Variants in OSBPL2 observed in about 807,000 individuals in gnomAD.
OSBPL2 encodes the protein oxysterol-binding protein-related protein 2.
OSBPL2 carries 18 observed loss-of-function variants against 58.4 expected under a neutral mutation model. The ratio of observed to expected loss-of-function variants is 0.31; its 90% CI spans 0.21 to 0.46. The LOEUF is 0.46. Among genes scored for constraint, OSBPL2 ranks in the 20% least tolerant of loss-of-function variants. The pLI, the probability that OSBPL2 is intolerant of heterozygous loss-of-function variation, is 1.00. For synonymous variants in OSBPL2, 221 were observed against 234.1 expected (o/e 0.94, Z 0.51); for missense variants, 461 against 616.5 (o/e 0.75, Z 2.67).
At chr20:62,258,898 A>AT (rs1981111007) in intron 2 of OSBPL2, 1 of 152,202 alleles carries the variant, frequency 6.6e-6, no homozygotes, top group African/African-American at 2.4e-5. Flanking sequence ...ACTGTGGGCC[A>AT]TTTCAGGATT....
intron 11 of OSBPL2, among the ~76,000 whole-genome samples, chr20:62,287,060 A>G (rs1983182356): frequency 1.3e-5 from 2 of 152,246 alleles, no homozygotes; most frequent in Non-Finnish European, 2.9e-5. Flanking sequence ...AGACGTGGCC[A>G]TTGCCGGCCA....
At chr20:62,279,028 G>A (rs908042484) in intron 6 of OSBPL2, 129 bp from the exon 7 acceptor site, 20 of 724,450 alleles carry the variant, frequency 2.8e-5, no homozygotes, top group Non-Finnish European at 4.3e-5. Flanking sequence ...GGGTGTTTCC[G>A]CCACATGTTG....
chr20:62,272,354 G>T, intron 5 of OSBPL2, 95 bp downstream of exon 5: 2 of 1,351,030 alleles, frequency 1.5e-6, no homozygotes, highest in Non-Finnish European at 2.0e-6. Context: ...CATCTGTGAG[G>T]ACTCGCACAG....
intron 12 of OSBPL2, 159 bp from the exon 13 acceptor site, chr20:62,291,544 G>A (rs921640327): frequency 7.0e-6 from 5 of 709,236 alleles, no homozygotes; most frequent in South Asian, 1.5e-5. Flanking sequence ...CTGTGGCCTC[G>A]GCAACTGTGA....
chr20:62,257,550 G>A (rs1350491048), intron 2 of OSBPL2, among the ~76,000 whole-genome samples: 5 of 152,096 alleles, frequency 3.3e-5, no homozygotes, highest in South Asian at 2.1e-4. Context: ...CCCACACAGC[G>A]GAGGGATTGT....
chr20:62,285,735 C>T (rs1253237771), intron 10 of OSBPL2: 1 of 152,930 alleles, frequency 6.5e-6, no homozygotes, highest in African/African-American at 2.4e-5. Flanking sequence ...CACTCAGACT[C>T]CATGAAGTGC....
intron 3 of OSBPL2, among the ~76,000 whole-genome samples, chr20:62,261,717 T>TG: frequency 6.6e-6 from 1 of 152,374 alleles, no homozygotes; most frequent in South Asian, 2.1e-4. Flanking sequence ...GAGTGGCCTC[T>TG]GCATCCCTGC....
At chr20:62,241,605 C>T (rs1250789109) in intron 1 of OSBPL2, among the ~76,000 whole-genome samples, 3 of 152,250 alleles carry the variant, frequency 2.0e-5, no homozygotes, top group African/African-American at 7.2e-5. Context: ...AGCATCTTTG[C>T]GAAGGTGGTG....
chr20:62,263,812 TCTC>T (rs1981480434), intron 4 of OSBPL2, 121 bp downstream of exon 4: 1 of 833,778 alleles, frequency 1.2e-6, no homozygotes, highest in African/African-American at 1.7e-5. Flanking sequence ...ACGCCTATAA[TCTC>T]AGCACTTTGG....
chr20:62,289,229 C>G lies in OSBPL2; in HGVS notation c.1148C>G (p.Thr383Ser). The G allele has an allele frequency of 6.2e-7, 1 of 1,613,814 alleles. No individual in the cohort carries two copies. The highest frequency in any genetic ancestry group is 8.5e-7 in the Non-Finnish European group (1 of 1,179,856). ...CAGATGTATAATTTCACCAGTTTCA[C>G]TGTGAGCCTCAACGAGCTGGAGACA... ...SAQMYNFTSF[T>S]VSLNELETGM... The change falls in exon 12 of 14, where the codon ACT becomes AGT. Residue 383 changes from threonine (T) to serine (S), a missense_variant. Thr to Ser is a moderately conservative substitution (Grantham distance 58). Coordinates refer to ENST00000313733, the MANE Select transcript of OSBPL2 (RefSeq NM_144498.4).
intron 5 of OSBPL2, 127 bp downstream of exon 5, chr20:62,272,386 A>G (rs909179890): frequency 9.7e-7 from 1 of 1,027,926 alleles, no homozygotes; most frequent in Non-Finnish European, 1.4e-6. Context: ...GTTCAGTGCC[A>G]TCCTGCCTGG....
At chr20:62,250,098 G>A (rs1371989238) in intron 1 of OSBPL2, among the ~76,000 whole-genome samples, 1 of 152,256 alleles carries the variant, frequency 6.6e-6, no homozygotes, top group Non-Finnish European at 1.5e-5. Flanking sequence ...GAGCACCTTC[G>A]TGACCGGCTT....
At chr20:62,273,255 C>G (rs1982181557) in intron 5 of OSBPL2, 54 bp from the exon 6 acceptor site, 1 of 1,419,706 alleles carries the variant, frequency 7.0e-7, no homozygotes, top group Admixed American at 1.9e-5. Flanking sequence ...GCCATCTTCT[C>G]CAGCGCGTTT....
chr20:62,251,784 T>A (rs1317285490), intron 1 of OSBPL2, among the ~76,000 whole-genome samples: 1 of 151,152 alleles, frequency 6.6e-6, no homozygotes, highest in Non-Finnish European at 1.5e-5. Context: ...CACTGTCTTA[T>A]AAATGTCTCC....
chr20:62,266,157 G>A (rs944542526), intron 4 of OSBPL2, among the ~76,000 whole-genome samples: 2 of 152,124 alleles, frequency 1.3e-5, no homozygotes, highest in Non-Finnish European at 2.9e-5. Flanking sequence ...AGGACCAAAA[G>A]CATCTTTTCA....
intron 1 of OSBPL2, among the ~76,000 whole-genome samples, chr20:62,243,882 G>A (rs1169814411): frequency 2.0e-5 from 3 of 151,262 alleles, no homozygotes; most frequent in East Asian, 1.9e-4. Flanking sequence ...GCAGAGGGTA[G>A]GGGGGTTAGA....
chr20:62,281,636 C>T, intron 8 of OSBPL2, 154 bp from the exon 9 acceptor site: 1 of 587,416 alleles, frequency 1.7e-6, no homozygotes, highest in Non-Finnish European at 3.1e-6. Context: ...CAGCCCATTT[C>T]AAACACTTCC....
chr20:62,267,790 G>A (rs1361730753), intron 4 of OSBPL2, among the ~76,000 whole-genome samples: 1 of 152,212 alleles, frequency 6.6e-6, no homozygotes, highest in Non-Finnish European at 1.5e-5. Context: ...CTCTGCTGCC[G>A]ACAGTGTCTT....
At chr20:62,256,818 G>A (rs1321598980) in intron 2 of OSBPL2, among the ~76,000 whole-genome samples, 1 of 152,242 alleles carries the variant, frequency 6.6e-6, no homozygotes, top group African/African-American at 2.4e-5. Context: ...CTGGCAGCTT[G>A]GCCTTCCAGA....
Sources: allele counts gnomAD v4.1 joint callset (sites outside exome capture counted in the v4.1 genomes callset), GRCh38; gene constraint gnomAD v4.1.1; transcripts MANE v1.5; gene names NCBI Gene and HGNC (gene_info 2026-07-23, HGNC 2026-07-21).